The following ATXN3 variants were observed in gnomAD, a reference collection of about 807,000 sequenced individuals.
ATXN3 encodes the protein ataxin 3.
ATXN3 carries 28 observed loss-of-function variants against 58.2 expected under a neutral mutation model. That is an observed-to-expected ratio of 0.48 (90% confidence interval 0.36 to 0.66). The LOEUF (loss-of-function observed/expected upper bound fraction) is 0.66. ATXN3 is among the 30% of genes least tolerant of loss of function. The probability of loss-of-function intolerance (pLI) is 0.00; values close to 1 mark genes in which losing one functional copy is unlikely to be tolerated. For synonymous variants in ATXN3, 113 were observed against 138.5 expected (o/e 0.82, Z 1.29); for missense variants, 321 against 422.1 (o/e 0.76, Z 2.10).
chr14:92,087,469 G>A (rs1415529123), intron 6 of ATXN3, among the ~76,000 whole-genome samples: 2 of 152,168 alleles, frequency 1.3e-5, no homozygotes, highest in Admixed American at 6.5e-5. Flanking sequence ...ATGGATGGGT[G>A]AATGGATGGA....
At chr14:92,086,626 G>T (rs948221255) in intron 6 of ATXN3, among the ~76,000 whole-genome samples, 3 of 151,434 alleles carry the variant, frequency 2.0e-5, no homozygotes, top group Admixed American at 2.0e-4. Flanking sequence ...CCAGCTACTC[G>T]GGAGGTTGAG....
intron 2 of ATXN3, 33 bp from the exon 3 acceptor site, chr14:92,096,170 TG>T (rs764964194): frequency 5.2e-5 from 51 of 979,662 alleles, no homozygotes; most frequent in African/African-American, 6.3e-5. Flanking sequence ...GAAGCAAGGG[TG>T]GGGGTGGGGA....
upstream of ATXN3, among the ~76,000 whole-genome samples, chr14:92,052,323 C>T (rs1047165837): frequency 2.0e-5 from 3 of 151,684 alleles, no homozygotes; most frequent in Non-Finnish European, 4.4e-5. Context: ...GGAGAAACCC[C>T]GTCTCTACTA....
downstream of ATXN3, among the ~76,000 whole-genome samples, chr14:92,058,031 A>T (rs981860411): frequency 2.6e-5 from 4 of 152,214 alleles, no homozygotes; most frequent in Non-Finnish European, 5.9e-5. Context: ...ACATTTAAAA[A>T]ATATATTTCA....
In ATXN3 at chr14:92,084,574, A is replaced by ATT. The variant is rs200578869; in HGVS notation, c.476-1318_476-1317dup. 8.9e-3 allele frequency among the ~76,000 whole-genome samples: 1,305 copies of ATT among 147,248 alleles called. 16 individuals carry two copies. Among genetic ancestry groups the ATT allele is most frequent in the African/African-American group, 0.026 (1,044 of 40,032 alleles). ...ACTGATTTAAGTTTCTCTATCATTA[A>ATT]TTTTTTTTTTTTTTTAATTTGAGAT... On this transcript the variant is annotated intron_variant, in intron 6 of 10. Coordinates refer to ENST00000644486, the MANE Select transcript of ATXN3 (RefSeq NM_004993.6).
At chr14:92,079,140 T>C (rs2060973878) in intron 9 of ATXN3, among the ~76,000 whole-genome samples, 1 of 143,674 alleles carries the variant, frequency 7.0e-6, no homozygotes. Context: ...GAGCAGAAAT[T>C]GTGCCATTGC....
intron 7 of ATXN3, 128 bp from the exon 8 acceptor site, chr14:92,082,594 G>T: frequency 2.6e-6 from 2 of 780,196 alleles, no homozygotes; most frequent in Non-Finnish European, 1.9e-6. Context: ...ATAAGCTCTA[G>T]TAATATAATG....
upstream of ATXN3, among the ~76,000 whole-genome samples, chr14:92,052,995 T>C (rs537865428): frequency 6.6e-6 from 1 of 152,270 alleles, no homozygotes; most frequent in East Asian, 1.9e-4. Context: ...CTCACGCCTG[T>C]AATCCCAGCA....
At chr14:92,100,261 T>G (rs2066466512) in intron 1 of ATXN3, among the ~76,000 whole-genome samples, 1 of 152,184 alleles carries the variant, frequency 6.6e-6, no homozygotes, top group Non-Finnish European at 1.5e-5. Context: ...GCAATTCCAT[T>G]ACTAGGTACA....
At position 92,083,128 on chromosome 14, in the gene ATXN3, T is replaced by G; in HGVS notation, c.606A>C (p.Gln202His). Residue 202 changes from glutamine to histidine, a missense_variant and splice_region_variant, in exon 7 of 11, where the codon CAA becomes CAC. Physicochemically the swap from Gln to His is conservative, Grantham distance 24. Transcript: ENST00000644486. ...IGEELAQLKE[Q>H]RVHKTDLERV... is the part of the protein sequence containing the mutation. ...CATACTGCAGGCCTCATTTTTACCT[T>G]TGCTCTTTTAGTTGTGCTAATTCTT... is the stretch of plus-strand genomic sequence containing the variant. 1 of 1,608,260 alleles carries G rather than the reference T, an allele frequency of 6.2e-7. No individual in the cohort carries two copies.
chr14:92,081,258 G>A (rs1207075283), intron 8 of ATXN3, among the ~76,000 whole-genome samples, 197 bp from the exon 9 acceptor site: 1 of 151,916 alleles, frequency 6.6e-6, no homozygotes, highest in East Asian at 1.9e-4. Flanking sequence ...GATCACCTGA[G>A]GTCAGGAGTT....
upstream of ATXN3, among the ~76,000 whole-genome samples, chr14:92,052,885 G>A (rs1276002362): frequency 6.6e-6 from 1 of 152,110 alleles, no homozygotes; most frequent in African/African-American, 2.4e-5. Flanking sequence ...CCTCTTGCTT[G>A]GCTTCCTTCT....
At chr14:92,055,136 T>C (rs1193357645), downstream of ATXN3, among the ~76,000 whole-genome samples, 1 of 152,152 alleles carries the variant, frequency 6.6e-6, no homozygotes, top group East Asian at 1.9e-4. The surrounding 1 kb of genome is among the most constrained non-coding windows in gnomAD (Gnocchi z 4.5). Context: ...TGCCTCAGCC[T>C]CCCAAAGTGC....
At chr14:92,091,220 ACGG>A (rs1265816917) in intron 5 of ATXN3, among the ~76,000 whole-genome samples, 1 of 152,010 alleles carries the variant, frequency 6.6e-6, no homozygotes, top group African/African-American at 2.4e-5. Context: ...AGAGGCAGAG[ACGG>A]ACGGATCACC....
chr14:92,070,876 C>A (rs752783244), intron 10 of ATXN3, 59 bp downstream of exon 10: 21 of 1,613,386 alleles, frequency 1.3e-5, no homozygotes, highest in Middle Eastern at 1.6e-4. Flanking sequence ...TCACATGGAG[C>A]TCGTATGTCA....
At chr14:92,102,174 G>C (rs1430235632) in intron 1 of ATXN3, among the ~76,000 whole-genome samples, 2 of 150,596 alleles carry the variant, frequency 1.3e-5, no homozygotes, top group African/African-American at 2.5e-5. Context: ...CTGCACTCCA[G>C]CCTGGTGACA....
Position 92,096,994 on chromosome 14 carries a change from G to A in ATXN3, c.25-156C>T, listed in dbSNP as rs1457576492. On this transcript the variant is annotated intron_variant, in intron 1 of 10. Coordinates refer to ENST00000644486, the MANE Select transcript of ATXN3 (RefSeq NM_004993.6). ...GCTATCTTGGCTCACTGCAAGCTCC[G>A]CCACCCGGGTTCATGCCATTCTCCT... The A allele has an allele frequency of 1.3e-4, 80 of 606,998 alleles. No individual in the cohort carries two copies. In the East Asian group the frequency reaches 2.5e-3, roughly 19 times the overall value. 37.6% of individuals were successfully genotyped at this position (606,998 alleles called of 1,614,324 possible). A position where few individuals can be genotyped will look rare whatever the true frequency, so the allele number is the denominator to read the frequency against.
chr14:92,095,808 G>A (rs1005892466), intron 3 of ATXN3, among the ~76,000 whole-genome samples: 1 of 151,962 alleles, frequency 6.6e-6, no homozygotes, highest in African/African-American at 2.4e-5. Flanking sequence ...CTGGTGTGGT[G>A]GCGGGTGCCT....
At chr14:92,069,886 TTTA>T (rs1318113751) in intron 10 of ATXN3, among the ~76,000 whole-genome samples, 1 of 152,184 alleles carries the variant, frequency 6.6e-6, no homozygotes, top group Non-Finnish European at 1.5e-5. Flanking sequence ...TATTGTCAGT[TTTA>T]TTTCTTCATT....
Sources: allele counts gnomAD v4.1 joint callset (sites outside exome capture counted in the v4.1 genomes callset), GRCh38; gene constraint gnomAD v4.1.1; non-coding constraint Gnocchi (gnomAD v3.1); transcripts MANE v1.5; gene names NCBI Gene and HGNC (gene_info 2026-07-23, HGNC 2026-07-21).